The following UGGT2 variants were observed in gnomAD, a reference collection of about 807,000 sequenced individuals.
UGGT2 encodes the protein UDP-glucose glycoprotein glucosyltransferase 2, also known as UDP-glucose:glycoprotein glucosyltransferase 2.
A neutral mutation model predicts 192.1 loss-of-function variants in UGGT2; 180 were observed. That is an observed-to-expected ratio of 0.94 (90% confidence interval 0.83 to 1.06). The LOEUF (loss-of-function observed/expected upper bound fraction) is 1.06, where lower values mean the gene tolerates loss of function less well. UGGT2 is among the 50% of genes least tolerant of loss of function. The pLI is 0.00. For synonymous variants in UGGT2, 580 were observed against 591.0 expected, an observed-to-expected ratio of 0.98 and a Z score of 0.27; for missense variants, 1,849 against 1,795.7, an observed-to-expected ratio of 1.03 and a Z score of -0.54.
intron 1 of UGGT2, among the ~76,000 whole-genome samples, chr13:96,052,114 A>C (rs1020095011): frequency 2.6e-5 from 4 of 152,248 alleles, no homozygotes; most frequent in Admixed American, 2.0e-4. Context: ...TGTGGCATAT[A>C]TATGATGGAA....
At chr13:95,880,900 T>C (rs1401710690) in intron 27 of UGGT2, among the ~76,000 whole-genome samples, 1 of 152,064 alleles carries the variant, frequency 6.6e-6, no homozygotes, top group Non-Finnish European at 1.5e-5. Flanking sequence ...CATGGCCGAG[T>C]GCAGTGGCTC....
In UGGT2 at chr13:95,922,650, G is replaced by A. The variant is rs75865855; in HGVS notation, c.2295+3030C>T. Among the ~76,000 whole-genome samples, 225 of 57,680 alleles carry A rather than the reference G, an allele frequency of 3.9e-3. 1 individual carries two copies. The highest frequency in any genetic ancestry group is 0.011 in the African/African-American group (188 of 16,452). 37.8% of individuals were successfully genotyped at this position (57,680 alleles called of 152,430 possible). ...CAGCCTGGATGACATGGCAAAACCC[G>A]TCTCTACAAAAAAATACAAAAATTT... is the stretch of plus-strand genomic sequence containing the variant. On this transcript the variant is annotated intron_variant, in intron 20 of 38. Coordinates refer to ENST00000376747, the MANE Select transcript of UGGT2 (RefSeq NM_020121.4).
chr13:96,026,111 C>CA (rs1409679664), intron 2 of UGGT2, among the ~76,000 whole-genome samples: 1 of 151,110 alleles, frequency 6.6e-6, no homozygotes, highest in Non-Finnish European at 1.5e-5. Context: ...AATGAACTTA[C>CA]ATACCTAAAA....
intron 12 of UGGT2, among the ~76,000 whole-genome samples, chr13:95,951,241 A>T (rs1566746612): frequency 6.6e-6 from 1 of 152,232 alleles, no homozygotes; most frequent in Non-Finnish European, 1.5e-5. Flanking sequence ...TACAAAAAGA[A>T]CCAAATAAAA....
chr13:96,053,018 G>A, intron 1 of UGGT2, 137 bp downstream of exon 1: 1 of 1,210,094 alleles, frequency 8.3e-7, no homozygotes, highest in Non-Finnish European at 1.1e-6. Flanking sequence ...GAAGGAGGTG[G>A]TGATGCTCAG....
At chr13:95,859,421 C>T (rs897372012) in intron 33 of UGGT2, among the ~76,000 whole-genome samples, 170 bp downstream of exon 33, 6 of 152,088 alleles carry the variant, frequency 3.9e-5, no homozygotes, top group Non-Finnish European at 8.8e-5. Flanking sequence ...CTCCTTTGAA[C>T]ATCTCTAAAT....
intron 1 of UGGT2, among the ~76,000 whole-genome samples, chr13:96,051,408 A>G (rs976247470): frequency 6.6e-6 from 1 of 152,184 alleles, no homozygotes; most frequent in Non-Finnish European, 1.5e-5. Context: ...CAGCACACCA[A>G]CATGGCACAT....
intron 30 of UGGT2, among the ~76,000 whole-genome samples, chr13:95,866,232 T>A (rs1258581040): frequency 1.3e-5 from 2 of 152,252 alleles, no homozygotes; most frequent in Admixed American, 1.3e-4. Flanking sequence ...CTGATATGCA[T>A]GTTTTACAGT....
At position 95,903,068 on chromosome 13, in the gene UGGT2, C is replaced by T. The variant is rs2048158412; in HGVS notation, c.2296-8G>A. 4 of 1,603,874 alleles carry T rather than the reference C, an allele frequency of 2.5e-6. No individual in the cohort carries two copies. The highest frequency in any genetic ancestry group is 3.4e-6 in the Non-Finnish European group (4 of 1,177,224). ...ACTATGAACACTTGTTTTCTGCAAA[C>T]ATATTTATAGATTAAAAAGACCAGT... On this transcript the variant is annotated splice_region_variant and splice_polypyrimidine_tract_variant and intron_variant, in intron 20 of 38. Coordinates refer to ENST00000376747, the MANE Select transcript of UGGT2 (RefSeq NM_020121.4).
chr13:95,931,612 G>C (rs562288717), intron 17 of UGGT2, among the ~76,000 whole-genome samples: 1 of 152,230 alleles, frequency 6.6e-6, no homozygotes, highest in Middle Eastern at 3.4e-3. Flanking sequence ...CCTGACCCAG[G>C]GGGAGGCAGA....
chr13:95,829,194 C>G (rs1886390039), intron 38 of UGGT2, among the ~76,000 whole-genome samples: 1 of 152,148 alleles, frequency 6.6e-6, no homozygotes, highest in African/African-American at 2.4e-5. Flanking sequence ...CGATTTATGA[C>G]AAACCCACAG....
chr13:95,820,037 A>G (rs1040246911), intron 38 of UGGT2, among the ~76,000 whole-genome samples: 1 of 152,178 alleles, frequency 6.6e-6, no homozygotes, highest in African/African-American at 2.4e-5. Context: ...ACACACTTAT[A>G]ATCTCACCTA....
At chr13:95,826,217 C>G (rs1566551540) in intron 38 of UGGT2, among the ~76,000 whole-genome samples, 2 of 152,060 alleles carry the variant, frequency 1.3e-5, no homozygotes, top group Admixed American at 6.6e-5. Flanking sequence ...GTTATTTCCT[C>G]AAGATGATAA....
chr13:95,824,550 T>C (rs1885821822), intron 38 of UGGT2, among the ~76,000 whole-genome samples: 1 of 152,190 alleles, frequency 6.6e-6, no homozygotes, highest in Non-Finnish European at 1.5e-5. Flanking sequence ...AGCTCTAAAA[T>C]TCTTTTGTCT....
At chr13:95,877,047 C>A in intron 29 of UGGT2, 2 of 364,324 alleles carry the variant, frequency 5.5e-6, no homozygotes, top group Non-Finnish European at 4.9e-6. Context: ...CCATGTCTGG[C>A]AAATTTTTGT....
chr13:95,972,614 G>A lies in UGGT2; in HGVS notation c.1150C>T (p.Leu384Phe). The change falls in exon 11 of 39, where the codon CTT (leucine) becomes TTT (phenylalanine). Residue 384 changes from leucine to phenylalanine, a missense_variant. Transcript: ENST00000376747. ...PGDARLFINGLRVDMDVYDAF... is the reference protein window; with the variant it reads ...PGDARLFINGFRVDMDVYDAF... ...TCATAAACATCCATATCAACACGAAGGCCATTTATAAATAGACGAGCATCG... is the reference window on the plus strand; with the variant it reads ...TCATAAACATCCATATCAACACGAAAGCCATTTATAAATAGACGAGCATCG... 1 of 1,613,644 alleles carries A rather than the reference G, an allele frequency of 6.2e-7. No homozygotes were observed.
chr13:95,810,119 T>G (rs1055566910), intron 38 of UGGT2, among the ~76,000 whole-genome samples: 1 of 152,230 alleles, frequency 6.6e-6, no homozygotes, highest in East Asian at 1.9e-4. Flanking sequence ...GTTGTACATA[T>G]CAAGCAATTC....
chr13:95,889,330 C>A (rs934195058), intron 25 of UGGT2, among the ~76,000 whole-genome samples: 1 of 152,284 alleles, frequency 6.6e-6, no homozygotes. Flanking sequence ...CTACTCGTTT[C>A]ATAAACTGAA....
chr13:95,935,192 A>G (rs1335775037), intron 17 of UGGT2, among the ~76,000 whole-genome samples: 1 of 152,140 alleles, frequency 6.6e-6, no homozygotes, highest in Non-Finnish European at 1.5e-5. Flanking sequence ...GGCCATTTAT[A>G]TTCAAGGTTA....
Sources: allele counts gnomAD v4.1 joint callset (sites outside exome capture counted in the v4.1 genomes callset), GRCh38; gene constraint gnomAD v4.1.1; transcripts MANE v1.5; gene names NCBI Gene and HGNC (gene_info 2026-07-23, HGNC 2026-07-21).